The following MTUS2 variants were observed in gnomAD, a reference collection of about 807,000 sequenced individuals.
MTUS2 encodes the protein microtubule-associated tumor suppressor candidate 2.
MTUS2 carries 40 observed loss-of-function variants against 114.1 expected under a neutral mutation model. The observed-to-expected ratio is 0.35, with a 90% CI of 0.27 to 0.46. MTUS2 has a LOEUF of 0.46. MTUS2 is among the 20% of genes least tolerant of loss of function. The pLI is 1.00. For missense variants in MTUS2, 1,679 were observed against 1,705.4 expected (o/e 0.98, Z 0.27); for synonymous variants, 688 against 672.0 (o/e 1.02, Z -0.37).
intron 7 of MTUS2, among the ~76,000 whole-genome samples, chr13:29,340,164 G>A (rs1183174051): frequency 6.6e-6 from 1 of 152,180 alleles, no homozygotes; most frequent in Admixed American, 6.5e-5. Flanking sequence ...CAGCTGCAGC[G>A]GGGGAGGGCA....
In MTUS2 at chr13:29,496,740, G is replaced by A. The variant is rs1300530746; in HGVS notation, c.3580-498G>A. Among the ~76,000 whole-genome samples the A allele has an allele frequency of 2.0e-5, 3 of 152,202 alleles. No homozygotes were observed. Among genetic ancestry groups the A allele is most frequent in the East Asian group, 1.9e-4 (1 of 5,190 alleles). ...ACATTCAGGAGGCAGGATGGCAGGA[G>A]TTGATTATGGACTTGGTGATTAGAA... is the stretch of plus-strand genomic sequence containing the variant. On this transcript the variant is annotated intron_variant, in intron 12 of 15. Transcript: ENST00000612955. This position sits in a 1 kb window ranked among gnomAD's most constrained non-coding sequence, Gnocchi z 4.3.
chr13:28,980,050 A>C (rs1884288784), intron 2 of MTUS2, among the ~76,000 whole-genome samples: 1 of 152,188 alleles, frequency 6.6e-6, no homozygotes, highest in Non-Finnish European at 1.5e-5. Flanking sequence ...GCTTAGGCCA[A>C]CTACATGATG....
intron 5 of MTUS2, among the ~76,000 whole-genome samples, chr13:29,190,443 G>A (rs368374285): frequency 2.6e-5 from 4 of 152,210 alleles, no homozygotes; most frequent in Admixed American, 2.0e-4. Flanking sequence ...CACCCAGGTC[G>A]CCTGGCTCTG....
chr13:29,272,121 T>A (rs1341394904), intron 5 of MTUS2, among the ~76,000 whole-genome samples: 1 of 152,204 alleles, frequency 6.6e-6, no homozygotes, highest in East Asian at 1.9e-4. Context: ...GCCTTTAATG[T>A]GAGAAAGAAA....
At chr13:29,034,582 C>G (rs1886978112) in intron 4 of MTUS2, among the ~76,000 whole-genome samples, 2 of 152,176 alleles carry the variant, frequency 1.3e-5, no homozygotes, top group African/African-American at 4.8e-5. Context: ...GAGGAGAACT[C>G]CGGGTTTCTG....
chr13:29,273,143 C>G (rs1320359058), intron 5 of MTUS2, among the ~76,000 whole-genome samples: 4 of 152,178 alleles, frequency 2.6e-5, no homozygotes, highest in African/African-American at 9.7e-5. Flanking sequence ...GAGACACATT[C>G]AAACCATAAC....
intron 5 of MTUS2, among the ~76,000 whole-genome samples, chr13:29,280,039 T>C (rs1391148396): frequency 6.6e-6 from 1 of 152,232 alleles, no homozygotes; most frequent in East Asian, 1.9e-4. Context: ...TTGTGAAATA[T>C]TTCTAGTGGT....
At chr13:29,466,506 G>A (rs1879893896) in intron 9 of MTUS2, among the ~76,000 whole-genome samples, 1 of 152,194 alleles carries the variant, frequency 6.6e-6, no homozygotes, top group Non-Finnish European at 1.5e-5. Context: ...CCTGTTTAAA[G>A]TTAGGTTCTG....
chr13:29,283,583 T>C (rs1385740778), intron 6 of MTUS2, among the ~76,000 whole-genome samples: 1 of 152,208 alleles, frequency 6.6e-6, no homozygotes, highest in African/African-American at 2.4e-5. Context: ...CTTTAGTGTA[T>C]CAGTGTCACC....
At chr13:29,069,022 G>A (rs1888790180) in intron 4 of MTUS2, among the ~76,000 whole-genome samples, 1 of 152,174 alleles carries the variant, frequency 6.6e-6, no homozygotes, top group Non-Finnish European at 1.5e-5. Flanking sequence ...TTAGGAGGCT[G>A]TTGCAGAATA....
intron 2 of MTUS2, among the ~76,000 whole-genome samples, chr13:28,906,967 G>C (rs1222243148): frequency 6.6e-6 from 1 of 151,412 alleles, no homozygotes; most frequent in Non-Finnish European, 1.5e-5. Flanking sequence ...CACCAAAGTA[G>C]AAATGAAGGA....
At chr13:29,336,539 G>A (rs4769720) in intron 7 of MTUS2, among the ~76,000 whole-genome samples, 122,898 of 152,010 alleles carry the variant, frequency 0.81, 50,597 homozygotes, top group East Asian at 0.9. Context: ...GGCACCCGCC[G>A]GACGCCAGCT....
At chr13:29,360,603 T>TG (rs1174946172) in intron 8 of MTUS2, among the ~76,000 whole-genome samples, 1 of 151,066 alleles carries the variant, frequency 6.6e-6, no homozygotes, top group East Asian at 2.0e-4. Context: ...CAGCAGAAAA[T>TG]GGCCAATGTG....
chr13:29,505,161 C>T lies in MTUS2; in HGVS notation c.*1955C>T, dbSNP rs1883149024. 4.3e-6 allele frequency: 1 copy of T among 232,008 alleles called. No homozygotes were observed. The highest frequency in any genetic ancestry group is 5.6e-5 in the Admixed American group (1 of 17,734). 14.4% of individuals were successfully genotyped at this position (232,008 alleles called of 1,614,324 possible). A position where few individuals can be genotyped will look rare whatever the true frequency, so the allele number is the denominator to read the frequency against. On this transcript the variant is annotated 3_prime_UTR_variant, in exon 16 of 16. Transcript: ENST00000612955. ...TAGATCTTGCCACATTGACTAAATA[C>T]ACAAGTATTTATTCTAGTAGCAGGC... is the stretch of plus-strand genomic sequence containing the variant.
In MTUS2 at chr13:29,281,868, A is replaced by G. The variant is rs1177328008; in HGVS notation, c.2806+3A>G. The stretch of plus-strand genomic sequence containing the variant: ...AAAATCCACTTCCACACCCGCTGGT[A>G]AGACTTTGTGCCTTGGAGAGGCTCC... On this transcript the variant is annotated splice_donor_region_variant and intron_variant, in intron 6 of 15. Transcript: ENST00000612955. 2.5e-6 allele frequency: 4 copies of G among 1,585,832 alleles called. No homozygotes were observed. Among genetic ancestry groups the G allele is most frequent in the Admixed American group, 1.8e-5 (1 of 56,738 alleles).
intron 8 of MTUS2, among the ~76,000 whole-genome samples, chr13:29,403,775 C>G (rs920644816): frequency 3.9e-5 from 6 of 152,154 alleles, no homozygotes; most frequent in Admixed American, 2.0e-4. Context: ...AGCTTGCTGA[C>G]TTCAGATCTT....
At chr13:29,456,941 TC>T (rs1446131861) in intron 9 of MTUS2, among the ~76,000 whole-genome samples, 1 of 151,460 alleles carries the variant, frequency 6.6e-6, no homozygotes, top group African/African-American at 2.4e-5. Flanking sequence ...ATGGAGACCA[TC>T]CTGGCTAACA....
chr13:29,015,563 C>A (rs545726088), intron 2 of MTUS2, among the ~76,000 whole-genome samples: 13 of 152,234 alleles, frequency 8.5e-5, no homozygotes, highest in African/African-American at 2.4e-4. Flanking sequence ...ATGTGCATAC[C>A]CGTTAACACA....
At chr13:29,169,351 A>G (rs2139112004) in intron 5 of MTUS2, among the ~76,000 whole-genome samples, 1 of 152,334 alleles carries the variant, frequency 6.6e-6, no homozygotes, top group South Asian at 2.1e-4. Flanking sequence ...GCTTCTTAGA[A>G]TTTAAGAGTA....
Sources: allele counts gnomAD v4.1 joint callset (sites outside exome capture counted in the v4.1 genomes callset), GRCh38; gene constraint gnomAD v4.1.1; non-coding constraint Gnocchi (gnomAD v3.1); transcripts MANE v1.5; gene names NCBI Gene and HGNC (gene_info 2026-07-23, HGNC 2026-07-21).